IPO11: variants seen among roughly 807,000 people sequenced by gnomAD.
The protein encoded by IPO11 is importin 11.
In IPO11, 66 loss-of-function variants were observed where a neutral mutation model predicts 143.2. That is an observed-to-expected ratio of 0.46 (90% CI 0.38 to 0.57). The LOEUF is 0.57. IPO11 is among the 20% of genes least tolerant of loss of function. The pLI is 0.00. For synonymous variants in IPO11, 385 were observed against 377.8 expected, an observed-to-expected ratio of 1.02 and a Z score of -0.22; for missense variants, 1,026 against 1,141.0, an observed-to-expected ratio of 0.90 and a Z score of 1.45.
At chr5:62,444,618 G>C (rs1014131307) in intron 3 of IPO11, among the ~76,000 whole-genome samples, 1 of 151,928 alleles carries the variant, frequency 6.6e-6, no homozygotes, top group Admixed American at 6.6e-5. Context: ...GCTCACACCT[G>C]TAATCCCAGC....
chr5:62,510,837 G>A (rs1438211842), intron 19 of IPO11, among the ~76,000 whole-genome samples: 2 of 152,100 alleles, frequency 1.3e-5, no homozygotes, highest in African/African-American at 4.8e-5. Context: ...CCAGATTCAA[G>A]TGATTCTCCT....
At chr5:62,626,669 T>G (rs1317675508) in intron 29 of IPO11, among the ~76,000 whole-genome samples, 1 of 152,054 alleles carries the variant, frequency 6.6e-6, no homozygotes, top group African/African-American at 2.4e-5. Flanking sequence ...AGTCCCTTTT[T>G]TTTTTTTTTC....
chr5:62,580,176 T>A, intron 27 of IPO11: 1 of 1,551,218 alleles, frequency 6.4e-7, no homozygotes, highest in East Asian at 2.4e-5. Flanking sequence ...TACAGCCCTT[T>A]GCATTTAAAG....
chr5:62,622,169 T>C (rs568222797), intron 29 of IPO11, among the ~76,000 whole-genome samples: 50 of 152,288 alleles, frequency 3.3e-4, no homozygotes, highest in African/African-American at 1.2e-3. Flanking sequence ...CTCAAAACGC[T>C]TGGCCCACGT....
chr5:62,627,220 C>G lies in IPO11; in HGVS notation c.2830C>G (p.Gln944Glu), dbSNP rs200779798. 13 of 1,614,144 alleles carry G rather than the reference C, an allele frequency of 8.1e-6. No individual in the cohort carries two copies. The highest frequency in any genetic ancestry group is 1.1e-5 in the Non-Finnish European group (13 of 1,180,000). Residue 944 changes from glutamine to glutamate, a missense_variant, in exon 30 of 30, where the codon CAG becomes GAG. Physicochemically the swap from Gln to Glu is conservative, Grantham distance 29. Around this residue, in one of 5 missense-constraint regions of IPO11, gnomAD observed 351 missense variants for 358.9 expected, o/e 0.98. Coordinates refer to ENST00000325324, the MANE Select transcript of IPO11 (RefSeq NM_016338.5). ...GTTCATCTACGAGAAGCTCAAGGCA[C>G]AGCAGGAGATGCTAGGAGAACAAGG... ...QQFIYEKLKA[Q>E]QEMLGEQGFQ...
At position 62,484,100 on chromosome 5, in the gene IPO11, C is replaced by G; in HGVS notation, c.1112C>G (p.Ser371Cys). 1.2e-6 allele frequency: 2 copies of G among 1,611,088 alleles called. No homozygotes were observed. The highest frequency in any genetic ancestry group is 1.3e-5 in the African/African-American group (1 of 74,888). The change falls in exon 11 of 30, where the codon TCT (serine) becomes TGT (cysteine). Residue 371 changes from serine (S) to cysteine (C), a missense_variant. Physicochemically the swap from Ser to Cys is moderately radical, Grantham distance 112. Around this residue, in one of 5 missense-constraint regions of IPO11, gnomAD observed 429 missense variants for 456.3 expected, o/e 0.94. Coordinates refer to ENST00000325324, the MANE Select transcript of IPO11 (RefSeq NM_016338.5). ...TLTEICRRLV[S>C]HYFLLTEEEL... ...ACAGAGATATGTAGAAGATTAGTCT[C>G]TCATTATTTCCTATTAACTGAAGAA...
intron 16 of IPO11, among the ~76,000 whole-genome samples, chr5:62,497,802 C>G (rs974119615): frequency 5.9e-5 from 9 of 152,186 alleles, no homozygotes; most frequent in African/African-American, 2.2e-4. Context: ...GTTTTTTATT[C>G]TGCCTCGAAT....
chr5:62,414,883 C>G (rs986415960), intron 1 of IPO11, among the ~76,000 whole-genome samples: 2 of 152,150 alleles, frequency 1.3e-5, no homozygotes, highest in African/African-American at 4.8e-5. Flanking sequence ...TGATCTTATG[C>G]TGATTATCCA....
At chr5:62,581,316 A>T (rs1402323799) in intron 27 of IPO11, 2 of 1,488,010 alleles carry the variant, frequency 1.3e-6, no homozygotes, top group Admixed American at 5.5e-5. Flanking sequence ...AACTCAACTA[A>T]ATATTGTCTA....
chr5:62,433,247 A>C, intron 1 of IPO11, among the ~76,000 whole-genome samples: 1 of 152,060 alleles, frequency 6.6e-6, no homozygotes, highest in East Asian at 1.9e-4. Flanking sequence ...CTAATGACAA[A>C]CACAGATAAT....
At chr5:62,534,441 G>A (rs1256588032) in intron 22 of IPO11, among the ~76,000 whole-genome samples, 2 of 151,794 alleles carry the variant, frequency 1.3e-5, no homozygotes, top group Non-Finnish European at 2.9e-5. Context: ...AAATTTAAAG[G>A]AATATATATG....
rs867120743 is a variant in IPO11, at chr5:62,580,405, A to G, written c.2583-11172A>G. 3 of 1,551,176 alleles carry G rather than the reference A, an allele frequency of 1.9e-6. No individual in the cohort carries two copies. In the Middle Eastern group the frequency reaches 5.0e-4, roughly 259 times the overall value. ...CATTGATAATGATACATTTGAAAAT[A>G]TGGGAGCATCTTTGAAGATCCTTAA... On this transcript the variant is annotated intron_variant, in intron 27 of 29. Coordinates refer to ENST00000325324, the MANE Select transcript of IPO11 (RefSeq NM_016338.5).
At position 62,435,798 on chromosome 5, in the gene IPO11, G is replaced by A. The variant is rs549054020; in HGVS notation, c.-6-1476G>A. 6.6e-5 allele frequency among the ~76,000 whole-genome samples: 10 copies of A among 152,128 alleles called. No homozygotes were observed. In the South Asian group the frequency reaches 1.4e-3, roughly 22 times the overall value. Reference sequence around the variant, plus strand: ...AATCCCAGCACTTTGGGAGGCTGAGGCAGGCGGATCACCTGGGGTCAGGAG... The same window carrying A: ...AATCCCAGCACTTTGGGAGGCTGAGACAGGCGGATCACCTGGGGTCAGGAG... On this transcript the variant is annotated intron_variant, in intron 1 of 29. Transcript: ENST00000325324.
intron 1 of IPO11, among the ~76,000 whole-genome samples, chr5:62,435,054 A>ATATATG (rs1744123245): frequency 5.5e-5 from 6 of 108,184 alleles, no homozygotes; most frequent in African/African-American, 1.9e-4. Flanking sequence ...ATATGTGTAT[A>ATATATG]TATATATGTA....
intron 20 of IPO11, among the ~76,000 whole-genome samples, chr5:62,519,928 C>A (rs1742149584): frequency 6.6e-6 from 1 of 152,170 alleles, no homozygotes; most frequent in East Asian, 1.9e-4. Context: ...ATCTAGGGTC[C>A]CCTCTTGTTC....
chr5:62,519,294 G>C (rs2112293426), intron 20 of IPO11, among the ~76,000 whole-genome samples: 1 of 152,168 alleles, frequency 6.6e-6, no homozygotes, highest in Non-Finnish European at 1.5e-5. Flanking sequence ...AAAGGAGTTA[G>C]TTCTTAAAGA....
At chr5:62,432,562 TC>T in intron 1 of IPO11, among the ~76,000 whole-genome samples, 1 of 152,338 alleles carries the variant, frequency 6.6e-6, no homozygotes, top group African/African-American at 2.4e-5. Context: ...TTCTTACTGT[TC>T]CTTCCAAGAT....
intron 3 of IPO11, among the ~76,000 whole-genome samples, chr5:62,448,678 G>C (rs1175289488): frequency 6.6e-6 from 1 of 152,100 alleles, no homozygotes; most frequent in Non-Finnish European, 1.5e-5. Context: ...AGCCTCCTGA[G>C]TACCTCAGAC....
intron 7 of IPO11, among the ~76,000 whole-genome samples, chr5:62,471,377 ATTG>A (rs1470433468): frequency 2.0e-5 from 3 of 152,214 alleles, no homozygotes; most frequent in African/African-American, 7.2e-5. Flanking sequence ...TAATTGTTCT[ATTG>A]TTAAATGAGT....
Sources: gnomAD v4.1 joint callset for allele counts (sites outside exome capture counted in the v4.1 genomes callset) on GRCh38, gnomAD v4.1.1 for gene constraint, gnomAD v4.1.1 regional missense constraint, MANE v1.5 for transcripts, NCBI Gene and HGNC (gene_info 2026-07-23, HGNC 2026-07-21) for gene names.